The following ZFP1 variants were observed in gnomAD, a reference collection of about 807,000 sequenced individuals.
ZFP1 encodes the protein zinc finger protein 1 homolog.
Under a neutral mutation model 38.5 loss-of-function variants are expected in ZFP1, and 32 were observed. That is an observed-to-expected ratio of 0.83 (90% CI 0.63 to 1.12). The LOEUF (loss-of-function observed/expected upper bound fraction) is 1.12, where lower values mean the gene tolerates loss of function less well. ZFP1 is among the 50% of genes most tolerant of loss of function. The probability of loss-of-function intolerance (pLI) is 0.00; values close to 1 mark genes in which losing one functional copy is unlikely to be tolerated. For missense variants in ZFP1, 616 were observed against 480.8 expected (o/e 1.28, Z -2.63); for synonymous variants, 245 against 168.8 (o/e 1.45, Z -3.50).
the ZFP1 span, among the ~76,000 whole-genome samples, chr16:75,120,121 C>T: frequency 1.3e-5 from 2 of 152,092 alleles, no homozygotes; most frequent in South Asian, 2.1e-4. Flanking sequence ...AAGCTAACAT[C>T]GAAGATGTGC....
chr16:75,165,315 T>A (rs546972340), intron 2 of ZFP1, among the ~76,000 whole-genome samples: 1 of 152,314 alleles, frequency 6.6e-6, no homozygotes, highest in East Asian at 1.9e-4. Context: ...CCTTTGAAGA[T>A]TTGTCTTCTG....
intron 3 of ZFP1, among the ~76,000 whole-genome samples, chr16:75,168,775 C>A (rs551304622): frequency 6.6e-6 from 1 of 152,192 alleles, no homozygotes; most frequent in African/African-American, 2.4e-5. Flanking sequence ...TAGAACTATG[C>A]AGACTGGTGC....
the ZFP1 span, among the ~76,000 whole-genome samples, chr16:75,131,627 A>T: frequency 6.6e-6 from 1 of 152,036 alleles, no homozygotes; most frequent in Non-Finnish European, 1.5e-5. Context: ...GAATGAGTTT[A>T]TATGTCCACC....
At chr16:75,126,496 C>A in the ZFP1 span, among the ~76,000 whole-genome samples, 1 of 152,134 alleles carries the variant, frequency 6.6e-6, no homozygotes, top group Non-Finnish European at 1.5e-5. Context: ...CTCTGCCTCC[C>A]AGGTTCAAGT....
chr16:75,123,210 TG>T, the ZFP1 span, among the ~76,000 whole-genome samples: 1 of 151,318 alleles, frequency 6.6e-6, no homozygotes, highest in Non-Finnish European at 1.5e-5. Flanking sequence ...AAAAATTAGC[TG>T]GGCACAGTGG....
intron 2 of ZFP1, among the ~76,000 whole-genome samples, chr16:75,158,719 C>G (rs1296867102): frequency 2.0e-5 from 3 of 148,808 alleles, no homozygotes; most frequent in Non-Finnish European, 3.0e-5. Flanking sequence ...CCTATTTTCC[C>G]TTTTATCTTT....
chr16:75,138,774 C>T, the ZFP1 span, among the ~76,000 whole-genome samples: 118 of 152,320 alleles, frequency 7.7e-4, no homozygotes, highest in African/African-American at 2.8e-3. Context: ...TGGCAGGCTG[C>T]CCCCTGCGGC....
intron 2 of ZFP1, 130 bp from the exon 3 acceptor site, chr16:75,166,640 A>T: frequency 6.6e-7 from 1 of 1,522,190 alleles, no homozygotes; most frequent in Non-Finnish European, 8.8e-7. Flanking sequence ...AGACATGAAC[A>T]AAAACAGTGA....
rs2037279544 is a variant in ZFP1, at chr16:75,152,913, G to T, written c.-39G>T. The T allele has an allele frequency of 1.2e-6, 2 of 1,612,786 alleles. No individual in the cohort carries two copies. Among genetic ancestry groups the T allele is most frequent in the Non-Finnish European group, 1.7e-6 (2 of 1,179,488 alleles). On this transcript the variant is annotated 5_prime_UTR_variant, in exon 2 of 4. Coordinates refer to ENST00000570010, the MANE Select transcript of ZFP1 (RefSeq NM_153688.4). ...TTCCTTTTTCCTCTATTCCAGTTCT[G>T]CCTTCATAGTTCTCTGCCTTTGCCC...
At chr16:75,121,663 C>T in the ZFP1 span, among the ~76,000 whole-genome samples, 1 of 152,066 alleles carries the variant, frequency 6.6e-6, no homozygotes, top group Non-Finnish European at 1.5e-5. Flanking sequence ...CCTAATACGT[C>T]TATGTATTTA....
At chr16:75,167,180 C>T (rs1265193479) in intron 3 of ZFP1, among the ~76,000 whole-genome samples, 1 of 152,144 alleles carries the variant, frequency 6.6e-6, no homozygotes, top group Non-Finnish European at 1.5e-5. Flanking sequence ...ATAGAGTTGT[C>T]AATTCAGAAC....
At chr16:75,167,060 C>A (rs1409378133) in intron 3 of ZFP1, 164 bp downstream of exon 3, 110 of 1,327,538 alleles carry the variant, frequency 8.3e-5, no homozygotes, top group Non-Finnish European at 1.0e-4. Flanking sequence ...CATCTCCTTT[C>A]CTTTAAGGCT....
At chr16:75,151,804 G>C (rs1276300796) in intron 1 of ZFP1, among the ~76,000 whole-genome samples, 1 of 152,016 alleles carries the variant, frequency 6.6e-6, no homozygotes, top group South Asian at 2.1e-4. Flanking sequence ...TGTAGATTCA[G>C]GTTTTTGTCT....
chr16:75,159,384 CCT>C (rs1567530642), intron 2 of ZFP1, among the ~76,000 whole-genome samples: 2 of 8,232 alleles, frequency 2.4e-4, no homozygotes, highest in Admixed American at 1.6e-3. Context: ...TCCCTTCCTT[CCT>C]TTCTCTCTCT....
chr16:75,172,063 T>C lies in ZFP1; in HGVS notation c.*1729T>C, dbSNP rs1420413466. ...AAAAAAAAGACCATCAGTAAGGGAATGGATGAATAAATTGTGGTAAAAACA... is the reference window on the plus strand; with the variant it reads ...AAAAAAAAGACCATCAGTAAGGGAACGGATGAATAAATTGTGGTAAAAACA... On this transcript the variant is annotated 3_prime_UTR_variant, in exon 4 of 4. Coordinates refer to ENST00000570010, the MANE Select transcript of ZFP1 (RefSeq NM_153688.4). 1.3e-5 allele frequency: 2 copies of C among 152,228 alleles called. No homozygotes were observed. Among genetic ancestry groups the C allele is most frequent in the East Asian group, 3.9e-4 (2 of 5,180 alleles). The allele number at this position is 152,228 out of a possible 1,614,324, so 9.4% of individuals were successfully genotyped here.
At chr16:75,168,829 G>T (rs1400576625) in intron 3 of ZFP1, among the ~76,000 whole-genome samples, 1 of 152,100 alleles carries the variant, frequency 6.6e-6, no homozygotes, top group African/African-American at 2.4e-5. Flanking sequence ...AATACTATTA[G>T]TCGAGATCTG....
At chr16:75,130,542 G>A in the ZFP1 span, among the ~76,000 whole-genome samples, 1 of 152,154 alleles carries the variant, frequency 6.6e-6, no homozygotes, top group Non-Finnish European at 1.5e-5. Flanking sequence ...TAGTACGCAT[G>A]CTCAAGCTCA....
the ZFP1 span, among the ~76,000 whole-genome samples, chr16:75,132,867 C>T: frequency 6.6e-6 from 1 of 151,732 alleles, no homozygotes; most frequent in African/African-American, 2.4e-5. Context: ...ACCATGTTGG[C>T]CAGGCTGGTC....
At chr16:75,136,882 GAAAA>G in the ZFP1 span, among the ~76,000 whole-genome samples, 3 of 148,974 alleles carry the variant, frequency 2.0e-5, no homozygotes, top group African/African-American at 7.7e-5. Context: ...AAAAAGAAAA[GAAAA>G]GGAAAAAAAA....
Sources: allele counts gnomAD v4.1 joint callset (sites outside exome capture counted in the v4.1 genomes callset), GRCh38; gene constraint gnomAD v4.1.1; transcripts MANE v1.5; gene names NCBI Gene and HGNC (gene_info 2026-07-23, HGNC 2026-07-21).